CNTN5: variants seen among roughly 807,000 people sequenced by gnomAD.
CNTN5 encodes the protein contactin-5.
In CNTN5, 77 loss-of-function variants were observed where a neutral mutation model predicts 129.1. The observed-to-expected ratio is 0.60, with a 90% CI of 0.50 to 0.72. The LOEUF is 0.72. CNTN5 is among the 30% of genes least tolerant of loss of function. The pLI, the probability that CNTN5 is intolerant of heterozygous loss-of-function variation, is 0.00. For missense variants in CNTN5, 1,478 were observed against 1,328.8 expected, an observed-to-expected ratio of 1.11 and a Z score of -1.75; for synonymous variants, 509 against 465.6, an observed-to-expected ratio of 1.09 and a Z score of -1.20.
At chr11:99,506,398 T>A (rs1189768138) in intron 2 of CNTN5, among the ~76,000 whole-genome samples, 1 of 152,274 alleles carries the variant, frequency 6.6e-6, no homozygotes, top group Admixed American at 6.5e-5. Context: ...CAGATTCTTA[T>A]ACAAATATCT....
chr11:99,091,551 GA>G (rs1866251709), intron 1 of CNTN5, among the ~76,000 whole-genome samples: 1 of 152,210 alleles, frequency 6.6e-6, no homozygotes, highest in Non-Finnish European at 1.5e-5. Flanking sequence ...CACCACTTGG[GA>G]GGAGCTGGAA....
At chr11:99,182,953 G>A (rs1195412242) in intron 1 of CNTN5, among the ~76,000 whole-genome samples, 1 of 152,100 alleles carries the variant, frequency 6.6e-6, no homozygotes, top group Non-Finnish European at 1.5e-5. Flanking sequence ...TAGTTTATTA[G>A]TAGATAATGG....
chr11:99,962,722 G>A lies in CNTN5; in HGVS notation c.877+5713G>A, dbSNP rs186465586. ...GGTATTTCTAGTTCTAGATCCCTGA[G>A]GAATCGCCACACTGACTTCCACAAT... On this transcript the variant is annotated intron_variant, in intron 8 of 24. Coordinates refer to ENST00000524871, the MANE Select transcript of CNTN5 (RefSeq NM_014361.4). Among the ~76,000 whole-genome samples, 5 of 151,180 alleles carry A rather than the reference G, an allele frequency of 3.3e-5. No homozygotes were observed. The South Asian group carries it at 1.0e-3, about 32-fold the overall frequency.
At chr11:99,362,024 T>C (rs1939145226) in intron 2 of CNTN5, among the ~76,000 whole-genome samples, 1 of 152,130 alleles carries the variant, frequency 6.6e-6, no homozygotes, top group African/African-American at 2.4e-5. Flanking sequence ...ATAGTTAATT[T>C]TGGGGGGAAC....
intron 1 of CNTN5, among the ~76,000 whole-genome samples, chr11:99,232,129 C>T (rs76243533): frequency 5.3e-5 from 8 of 152,132 alleles, no homozygotes; most frequent in Admixed American, 1.3e-4. Context: ...CTTGGCTATA[C>T]GGGCTCTTTG....
chr11:99,779,194 T>G lies in CNTN5; in HGVS notation c.56-40350T>G, dbSNP rs537383763. Among the ~76,000 whole-genome samples the G allele has an allele frequency of 3.1e-4, 47 of 152,068 alleles. No homozygotes were observed. In the South Asian group the frequency reaches 8.9e-3, roughly 29 times the overall value. ...ATAAATGATTTCTGTATTTCTAAAT[T>G]TGTAGAAATTTTTCTCTACAAGTTT... On this transcript the variant is annotated intron_variant, in intron 3 of 24. Coordinates refer to ENST00000524871, the MANE Select transcript of CNTN5 (RefSeq NM_014361.4).
intron 4 of CNTN5, among the ~76,000 whole-genome samples, chr11:99,842,548 G>A (rs780041621): frequency 1.2e-4 from 18 of 152,148 alleles, no homozygotes; most frequent in Non-Finnish European, 2.5e-4. Flanking sequence ...GAACTTACAT[G>A]TGTCCAACTC....
chr11:99,324,737 G>T (rs1767554890), intron 1 of CNTN5, among the ~76,000 whole-genome samples: 1 of 152,066 alleles, frequency 6.6e-6, no homozygotes, highest in Admixed American at 6.6e-5. Context: ...CACCTCCCGG[G>T]TTCACACCAT....
At chr11:99,412,607 T>C (rs946031816) in intron 2 of CNTN5, among the ~76,000 whole-genome samples, 4 of 152,188 alleles carry the variant, frequency 2.6e-5, no homozygotes, top group African/African-American at 9.7e-5. Context: ...ATCTTCACAA[T>C]AATTCTAGGA....
At chr11:99,182,243 A>G (rs1022178755) in intron 1 of CNTN5, among the ~76,000 whole-genome samples, 6 of 152,190 alleles carry the variant, frequency 3.9e-5, no homozygotes, top group African/African-American at 1.4e-4. Flanking sequence ...TGAGCATTTG[A>G]TATGGCAAAG....
At chr11:99,517,695 C>T (rs915310094) in intron 2 of CNTN5, among the ~76,000 whole-genome samples, 19 of 152,090 alleles carry the variant, frequency 1.2e-4, no homozygotes, top group African/African-American at 4.3e-4. Context: ...GTGATAACGT[C>T]ACTTCCTTCA....
intron 3 of CNTN5, among the ~76,000 whole-genome samples, chr11:99,652,052 G>A (rs1952177407): frequency 6.6e-6 from 1 of 152,038 alleles, no homozygotes. Flanking sequence ...CGTGGATTAA[G>A]GATCTCCTCT....
intron 6 of CNTN5, among the ~76,000 whole-genome samples, chr11:99,897,502 C>CT (rs551541074): frequency 3.9e-4 from 59 of 150,878 alleles, no homozygotes; most frequent in Admixed American, 2.9e-3. Flanking sequence ...TTTTAGCCTC[C>CT]TTTAAAAAAA....
chr11:99,396,877 C>G (rs1941552966), intron 2 of CNTN5, among the ~76,000 whole-genome samples: 1 of 151,672 alleles, frequency 6.6e-6, no homozygotes. Flanking sequence ...AAACAAGTAT[C>G]TAGTGCATAC....
intron 1 of CNTN5, among the ~76,000 whole-genome samples, chr11:99,254,567 G>A (rs1157076261): frequency 2.6e-5 from 4 of 151,888 alleles, no homozygotes; most frequent in African/African-American, 7.2e-5. Context: ...GATAAAAGTA[G>A]TAATATGAAC....
intron 1 of CNTN5, among the ~76,000 whole-genome samples, chr11:99,235,664 T>C (rs1391542770): frequency 6.6e-6 from 1 of 152,194 alleles, no homozygotes; most frequent in East Asian, 1.9e-4. Context: ...CCAGATTTGG[T>C]TAGATCTGAG....
chr11:99,991,707 C>T (rs1396662104), intron 8 of CNTN5, among the ~76,000 whole-genome samples: 1 of 152,020 alleles, frequency 6.6e-6, no homozygotes, highest in Non-Finnish European at 1.5e-5. Flanking sequence ...TACTTCCCTC[C>T]ATGTAGTGGA....
At chr11:99,787,923 T>C (rs1405653085) in intron 3 of CNTN5, among the ~76,000 whole-genome samples, 1 of 151,972 alleles carries the variant, frequency 6.6e-6, no homozygotes, top group Non-Finnish European at 1.5e-5. Flanking sequence ...TTTATCTCAT[T>C]TTAATGTGGT....
chr11:100,345,464 G>C (rs1000815370), intron 23 of CNTN5, among the ~76,000 whole-genome samples: 2 of 151,966 alleles, frequency 1.3e-5, no homozygotes, highest in Admixed American at 1.3e-4. Context: ...TAAAACCATA[G>C]CAGCATAGAT....
Sources: allele counts gnomAD v4.1 joint callset (sites outside exome capture counted in the v4.1 genomes callset), GRCh38; gene constraint gnomAD v4.1.1; transcripts MANE v1.5; gene names NCBI Gene and HGNC (gene_info 2026-07-23, HGNC 2026-07-21).